ISM1: variants seen among roughly 807,000 people sequenced by gnomAD.
ISM1 encodes the protein isthmin-1.
In ISM1, 25 loss-of-function variants were observed where a neutral mutation model predicts 46.3. That is an observed-to-expected ratio of 0.54 (90% CI 0.39 to 0.75). The LOEUF is 0.75. Among genes scored for constraint, ISM1 ranks in the 30% least tolerant of loss-of-function variants. The pLI, the probability that ISM1 is intolerant of heterozygous loss-of-function variation, is 0.00. For missense variants in ISM1, 536 were observed against 625.4 expected, an observed-to-expected ratio of 0.86 and a Z score of 1.52; for synonymous variants, 255 against 256.7, an observed-to-expected ratio of 0.99 and a Z score of 0.06.
intron 2 of ISM1, among the ~76,000 whole-genome samples, chr20:13,273,057 G>A (rs532179976): frequency 1.9e-4 from 29 of 152,200 alleles, no homozygotes; most frequent in East Asian, 1.2e-3. Flanking sequence ...GCGGGAGAAC[G>A]GAAGGCTGCC....
At chr20:13,283,428 G>C (rs1030396702) in intron 3 of ISM1, among the ~76,000 whole-genome samples, 2 of 152,168 alleles carry the variant, frequency 1.3e-5, no homozygotes, top group African/African-American at 4.8e-5. Flanking sequence ...GAGTTTTGAA[G>C]GTAGAATTTT....
chr20:13,275,204 TTAAAAA>T (rs140158925), intron 2 of ISM1, among the ~76,000 whole-genome samples: 12,694 of 152,222 alleles, frequency 0.083, 607 homozygotes, highest in Middle Eastern at 0.12. Context: ...TAAGACGGAC[TTAAAAA>T]TAGTCATGTA....
chr20:13,273,215 T>TTTA (rs148501848), intron 2 of ISM1, among the ~76,000 whole-genome samples: 2 of 130,628 alleles, frequency 1.5e-5, no homozygotes, highest in African/African-American at 6.3e-5. Context: ...ACTTGGGTCT[T>TTTA]TTTTATTTTA....
At chr20:13,313,127 G>A in the ISM1 span, among the ~76,000 whole-genome samples, 1 of 152,142 alleles carries the variant, frequency 6.6e-6, no homozygotes, top group East Asian at 1.9e-4. Context: ...CCGCATCCAG[G>A]TCTGCCCACA....
intron 1 of ISM1, among the ~76,000 whole-genome samples, chr20:13,260,476 G>C (rs1253059963): frequency 1.3e-5 from 2 of 152,232 alleles, no homozygotes; most frequent in Non-Finnish European, 2.9e-5. Context: ...GAAGGATAGA[G>C]AGAAAGGAGA....
intron 1 of ISM1, among the ~76,000 whole-genome samples, chr20:13,247,742 C>A (rs2039816324): frequency 6.6e-6 from 1 of 152,062 alleles, no homozygotes; most frequent in Admixed American, 6.6e-5. Context: ...GGAAACCTGA[C>A]CACGACAGGA....
At chr20:13,306,318 A>G in the ISM1 span, among the ~76,000 whole-genome samples, 3 of 152,180 alleles carry the variant, frequency 2.0e-5, no homozygotes, top group Non-Finnish European at 2.9e-5. Context: ...TAGCTAAATC[A>G]GGTTTATTTG....
At chr20:13,305,567 A>G (rs2040493855), downstream of ISM1, among the ~76,000 whole-genome samples, 1 of 152,238 alleles carries the variant, frequency 6.6e-6, no homozygotes, top group Non-Finnish European at 1.5e-5. Context: ...AATTTCGGAC[A>G]AATTAAAGGC....
chr20:13,246,099 T>C (rs6109775), intron 1 of ISM1, among the ~76,000 whole-genome samples: 37,425 of 151,616 alleles, frequency 0.25, 4,647 homozygotes, highest in African/African-American at 0.3. Context: ...AAACCCCGTC[T>C]CTACTGAAAA....
chr20:13,233,316 C>T (rs1298827290), intron 1 of ISM1, among the ~76,000 whole-genome samples: 1 of 152,036 alleles, frequency 6.6e-6, no homozygotes, highest in African/African-American at 2.4e-5. Flanking sequence ...GGAGATCCTG[C>T]CGGGCGCGGT....
intron 1 of ISM1, among the ~76,000 whole-genome samples, chr20:13,251,876 T>A (rs2039871884): frequency 6.6e-6 from 1 of 152,168 alleles, no homozygotes; most frequent in Non-Finnish European, 1.5e-5. Flanking sequence ...CCCAGGACTC[T>A]GGTTAAAAAT....
chr20:13,313,037 C>A, the ISM1 span, among the ~76,000 whole-genome samples: 2 of 152,178 alleles, frequency 1.3e-5, no homozygotes, highest in East Asian at 3.8e-4. Context: ...AGGTCCCCCT[C>A]GAGCTAAAAG....
chr20:13,280,492 G>C (rs1348804863), intron 3 of ISM1, among the ~76,000 whole-genome samples: 1 of 151,898 alleles, frequency 6.6e-6, no homozygotes, highest in Non-Finnish European at 1.5e-5. Context: ...AATTCAGTGA[G>C]TTAAAATAAT....
At chr20:13,324,992 T>C in the ISM1 span, among the ~76,000 whole-genome samples, 2 of 152,216 alleles carry the variant, frequency 1.3e-5, no homozygotes, top group Non-Finnish European at 2.9e-5. Context: ...TTCGGCTTCT[T>C]ATCCTGTTAG....
At chr20:13,272,124 C>A (rs1013488643) in intron 2 of ISM1, among the ~76,000 whole-genome samples, 1 of 152,142 alleles carries the variant, frequency 6.6e-6, no homozygotes, top group African/African-American at 2.4e-5. Flanking sequence ...TGTATAGGTG[C>A]ACCTTTTCTG....
chr20:13,324,791 A>G, the ISM1 span, among the ~76,000 whole-genome samples: 2 of 152,210 alleles, frequency 1.3e-5, no homozygotes, highest in Non-Finnish European at 2.9e-5. Flanking sequence ...ACAAATTATT[A>G]GATATTACAT....
At chr20:13,259,260 G>A (rs564144932) in intron 1 of ISM1, among the ~76,000 whole-genome samples, 196 of 148,770 alleles carry the variant, frequency 1.3e-3, no homozygotes, top group Non-Finnish European at 2.4e-3. Flanking sequence ...CAGCCTGGGC[G>A]ACAGAGTGAG....
chr20:13,301,075 C>G (rs534754641), downstream of ISM1, among the ~76,000 whole-genome samples: 4 of 152,348 alleles, frequency 2.6e-5, no homozygotes, highest in East Asian at 7.7e-4. Context: ...CTAGTATTCT[C>G]TCTACTGTAG....
intron 5 of ISM1, among the ~76,000 whole-genome samples, chr20:13,297,654 T>C (rs2040419899): frequency 6.6e-6 from 1 of 152,216 alleles, no homozygotes. Flanking sequence ...GGGGTCACCA[T>C]TCACCTGTTC....
Sources: allele counts gnomAD v4.1 joint callset (sites outside exome capture counted in the v4.1 genomes callset), GRCh38; gene constraint gnomAD v4.1.1; transcripts MANE v1.5; gene names NCBI Gene and HGNC (gene_info 2026-07-23, HGNC 2026-07-21).